The following TMEM171 variants were observed in gnomAD, a reference collection of about 807,000 sequenced individuals.
TMEM171 encodes the protein transmembrane protein 171.
In TMEM171, 16 loss-of-function variants were observed where a neutral mutation model predicts 19.1. That is an observed-to-expected ratio of 0.84 (90% CI 0.57 to 1.27). The LOEUF (loss-of-function observed/expected upper bound fraction) is 1.27, where lower values mean the gene tolerates loss of function less well. Ranked by LOEUF, TMEM171 falls within the 50% of genes most tolerant of loss-of-function variation. TMEM171 has a pLI of 0.00. For synonymous variants in TMEM171, 153 were observed against 163.4 expected (o/e 0.94, Z 0.48); for missense variants, 429 against 412.7 (o/e 1.04, Z -0.34).
Position 73,127,896 on chromosome 5 carries a change from A to G in TMEM171, c.641-494A>G, listed in dbSNP as rs576160085. Among the ~76,000 whole-genome samples, 245 of 151,428 alleles carry G rather than the reference A, an allele frequency of 1.6e-3. 2 individuals are homozygous for G. Among genetic ancestry groups the G allele is most frequent in the South Asian group, 0.014 (68 of 4,778 alleles). On this transcript the variant is annotated intron_variant, in intron 2 of 3. Transcript: ENST00000454765. ...GCTGGGACTGCAGGCGTGTACTCCC[A>G]CATCTGGCTAAATTTTTTCTTTTAA... is the stretch of plus-strand genomic sequence containing the variant.
rs544680863 is a variant in TMEM171 at position 73,124,174 on chromosome 5, A to G, written c.640+161A>G. On this transcript the variant is annotated intron_variant, in intron 2 of 3. Transcript: ENST00000454765. ...CACCCCCATCATGTGTACATACACA[A>G]TGGTGCTGCTGTGGGAAGCCCCGTA... Among the ~76,000 whole-genome samples the G allele has an allele frequency of 2.0e-5, 3 of 152,316 alleles. No individual in the cohort carries two copies. In the South Asian group the frequency reaches 6.2e-4, roughly 32 times the overall value.
At position 73,120,702 on chromosome 5, in the gene TMEM171, C is replaced by G; in HGVS notation, c.-69+6C>G. Reference sequence around the variant, plus strand: ...GGCGCCGGACCCAGCTTCAGGTAAGCTGCCCCGGCCCGCGCGCCTGCGCCG... The same window carrying G: ...GGCGCCGGACCCAGCTTCAGGTAAGGTGCCCCGGCCCGCGCGCCTGCGCCG... On this transcript the variant is annotated splice_donor_region_variant and intron_variant, in intron 1 of 3. Coordinates refer to ENST00000454765, the MANE Select transcript of TMEM171 (RefSeq NM_173490.8). The G allele has an allele frequency of 1.0e-6, 1 of 983,824 alleles. No homozygotes were observed. The highest frequency in any genetic ancestry group is 1.2e-6 in the Non-Finnish European group (1 of 829,408). The allele number at this position is 983,824 out of a possible 1,614,324, so 60.9% of individuals were successfully genotyped here.
chr5:73,122,613 G>T (rs947527053), intron 1 of TMEM171, among the ~76,000 whole-genome samples: 1 of 152,134 alleles, frequency 6.6e-6, no homozygotes, highest in Admixed American at 6.5e-5. Flanking sequence ...CACCCAGGCT[G>T]GTCTCGAACT....
intron 3 of TMEM171, among the ~76,000 whole-genome samples, chr5:73,130,452 C>T (rs1341281273): frequency 6.6e-6 from 1 of 152,122 alleles, no homozygotes; most frequent in Non-Finnish European, 1.5e-5. Flanking sequence ...GAGCAGCAGG[C>T]ACAGAGAGAC....
Position 73,123,868 on chromosome 5 carries a change from C to G in TMEM171, c.495C>G (p.Ile165Met). The G allele has an allele frequency of 1.9e-6, 3 of 1,614,056 alleles. No homozygotes were observed. Among genetic ancestry groups the G allele is most frequent in the African/African-American group, 1.3e-5 (1 of 75,034 alleles). ...TGTGTGGGTTCCTTTCTCTGCAGAT[C>G]ATGGGGCCCTTGATTGTGCTTGTGG... ...PRMCGFLSLQ[I>M]MGPLIVLVGL... Residue 165 changes from isoleucine (I) to methionine (M), a missense_variant, in exon 2 of 4, where the codon ATC becomes ATG. By Grantham distance (10) the Ile-to-Met change is conservative. Transcript: ENST00000454765.
In TMEM171 at chr5:73,120,623, C is replaced by G. The variant is rs1413553803; in HGVS notation, c.-142C>G. 27 of 984,726 alleles carry G rather than the reference C, an allele frequency of 2.7e-5. No individual in the cohort carries two copies. The highest frequency in any genetic ancestry group is 3.3e-5 in the Non-Finnish European group (27 of 829,812). 61.0% of individuals were successfully genotyped at this position (984,726 alleles called of 1,614,324 possible). A position where few individuals can be genotyped will look rare whatever the true frequency, so the allele number is the denominator to read the frequency against. On this transcript the variant is annotated 5_prime_UTR_variant, in exon 1 of 4. Coordinates refer to ENST00000454765, the MANE Select transcript of TMEM171 (RefSeq NM_173490.8). Reference sequence around the variant, plus strand: ...AGGGCGGCCGGCGCAGCCGAGGCCGCGTGCGGAGGCGGACGCCGCGCCCAG... The same window carrying G: ...AGGGCGGCCGGCGCAGCCGAGGCCGGGTGCGGAGGCGGACGCCGCGCCCAG...
At chr5:73,125,798 G>A (rs1416128946) in intron 2 of TMEM171, among the ~76,000 whole-genome samples, 1 of 152,142 alleles carries the variant, frequency 6.6e-6, no homozygotes, top group African/African-American at 2.4e-5. Flanking sequence ...GCACTGCATG[G>A]TTTAAAATCT....
rs1279314989 is a variant in TMEM171 at position 73,120,736 on chromosome 5, G to A, written c.-69+40G>A. ...CCCGCGCGCCTGCGCCGGCGGCGGCGGGTCGGGCGCTGAGCTGTGCGGCCA... is the reference window on the plus strand; with the variant it reads ...CCCGCGCGCCTGCGCCGGCGGCGGCAGGTCGGGCGCTGAGCTGTGCGGCCA... On this transcript the variant is annotated intron_variant, in intron 1 of 3. Coordinates refer to ENST00000454765, the MANE Select transcript of TMEM171 (RefSeq NM_173490.8). The A allele has an allele frequency of 4.1e-6, 4 of 983,708 alleles. No individual in the cohort carries two copies. In the African/African-American group the frequency reaches 5.3e-5, roughly 13 times the overall value. The allele number at this position is 983,708 out of a possible 1,614,324, so 60.9% of individuals were successfully genotyped here.
At position 73,123,427 on chromosome 5, in the gene TMEM171, C is replaced by G; in HGVS notation, c.54C>G (p.Val18=). ...ATGGGGACCAGCAGGACAGACACGTCAGCAAACTCATCTTCTGCTTCTTTG... is the reference window on the plus strand; with the variant it reads ...ATGGGGACCAGCAGGACAGACACGTGAGCAAACTCATCTTCTGCTTCTTTG... ...EPDGDQQDRH[V]SKLIFCFFVF... is the part of the protein sequence containing the mutation. The change falls in exon 2 of 4, where the codon GTC becomes GTG. Residue 18 remains valine (V), a synonymous_variant. Transcript: ENST00000454765. 6.2e-7 allele frequency: 1 copy of G among 1,614,184 alleles called. No homozygotes were observed. The highest frequency in any genetic ancestry group is 1.7e-4 in the Middle Eastern group (1 of 6,058).
At chr5:73,128,625 G>A in intron 3 of TMEM171, 94 bp downstream of exon 3, 1 of 1,488,072 alleles carries the variant, frequency 6.7e-7, no homozygotes, top group South Asian at 1.3e-5. Context: ...TCAAGTGTGA[G>A]TATCTTTTTT....
chr5:73,127,378 A>AT (rs1216141842), intron 2 of TMEM171, among the ~76,000 whole-genome samples: 10 of 63,236 alleles, frequency 1.6e-4, no homozygotes, highest in African/African-American at 9.2e-4. Context: ...GTAAAAAAAA[A>AT]AAAAAAATAT....
At chr5:73,127,408 A>ATATATATATATGT (rs1561513446) in intron 2 of TMEM171, among the ~76,000 whole-genome samples, 19 of 105,966 alleles carry the variant, frequency 1.8e-4, no homozygotes, top group African/African-American at 9.7e-4. Context: ...TATATATATA[A>ATATATATATATGT]AGCATAAACA....
At chr5:73,127,120 G>C (rs1744181210) in intron 2 of TMEM171, among the ~76,000 whole-genome samples, 1 of 151,870 alleles carries the variant, frequency 6.6e-6, no homozygotes, top group South Asian at 2.1e-4. Flanking sequence ...ATTTGCTCAG[G>C]GGCTGAAACT....
chr5:73,124,132 G>A (rs1305394541), intron 2 of TMEM171, 119 bp downstream of exon 2: 1 of 896,548 alleles, frequency 1.1e-6, no homozygotes, highest in East Asian at 2.7e-5. Flanking sequence ...TCTCACACAT[G>A]TGTGTGCACA....
intron 3 of TMEM171, among the ~76,000 whole-genome samples, chr5:73,128,964 GC>G (rs1744261542): frequency 6.6e-6 from 1 of 152,138 alleles, no homozygotes; most frequent in African/African-American, 2.4e-5. Flanking sequence ...ATGGTGGTAG[GC>G]ACCTGTAATC....
At chr5:73,124,155 C>A in intron 2 of TMEM171, 142 bp downstream of exon 2, 2 of 720,852 alleles carry the variant, frequency 2.8e-6, no homozygotes, top group Non-Finnish European at 4.3e-6. Context: ...CACACACCCC[C>A]ATCATGTGTA....
At chr5:73,130,789 T>C (rs1028166321) in intron 3 of TMEM171, among the ~76,000 whole-genome samples, 6 of 152,132 alleles carry the variant, frequency 3.9e-5, no homozygotes, top group African/African-American at 1.4e-4. Context: ...GGGCTGGACC[T>C]CTGTAGAATT....
Position 73,131,645 on chromosome 5 carries a change from C to T in TMEM171, c.890C>T (p.Pro297Leu), listed in dbSNP as rs146252250. 248 of 1,613,922 alleles carry T rather than the reference C, an allele frequency of 1.5e-4. No homozygotes were observed. Among genetic ancestry groups the T allele is most frequent in the Admixed American group, 3.2e-4 (19 of 59,986 alleles). ...SSEASHTPHL[P>L]SELPPRYEEK... Reference sequence around the variant, plus strand: ...GAGGCCTCACACACTCCACATCTTCCATCTGAATTGCCTCCTAGATATGAA... The same window carrying T: ...GAGGCCTCACACACTCCACATCTTCTATCTGAATTGCCTCCTAGATATGAA... Residue 297 changes from proline to leucine, a missense_variant, in exon 4 of 4, where the codon CCA becomes CTA. By Grantham distance (98) the Pro-to-Leu change is moderately conservative (BLOSUM62 -3). Coordinates refer to ENST00000454765, the MANE Select transcript of TMEM171 (RefSeq NM_173490.8).
intron 1 of TMEM171, 116 bp downstream of exon 1, chr5:73,120,812 C>T: frequency 1.1e-6 from 1 of 902,286 alleles, no homozygotes; most frequent in African/African-American, 1.8e-5. Context: ...TATCCGAGCC[C>T]AACCTGCGTC....
Sources: allele counts gnomAD v4.1 joint callset (sites outside exome capture counted in the v4.1 genomes callset), GRCh38; gene constraint gnomAD v4.1.1; transcripts MANE v1.5; gene names NCBI Gene and HGNC (gene_info 2026-07-23, HGNC 2026-07-21).